PDE4D: variants seen among roughly 807,000 people sequenced by gnomAD.
PDE4D encodes the protein 3',5'-cyclic-AMP phosphodiesterase 4D.
PDE4D carries 24 observed loss-of-function variants against 87.4 expected under a neutral mutation model. That is an observed-to-expected ratio of 0.27 (90% CI 0.20 to 0.39). The LOEUF is 0.39. Ranked by LOEUF, PDE4D falls within the 10% of genes least tolerant of loss-of-function variation. The pLI is 1.00. For missense variants in PDE4D, 714 were observed against 1,041.0 expected, an observed-to-expected ratio of 0.69 and a Z score of 4.32; for synonymous variants, 384 against 383.2, an observed-to-expected ratio of 1.00 and a Z score of -0.02.
chr5:59,856,145 G>T (rs1036515243), intron 1 of PDE4D, among the ~76,000 whole-genome samples: 4 of 152,126 alleles, frequency 2.6e-5, no homozygotes, highest in Non-Finnish European at 5.9e-5. Flanking sequence ...AAATCTTAGA[G>T]ATCATTGAAT....
chr5:59,219,941 TA>T (rs1752106934), intron 1 of PDE4D, among the ~76,000 whole-genome samples: 1 of 152,120 alleles, frequency 6.6e-6, no homozygotes, highest in African/African-American at 2.4e-5. Flanking sequence ...ATAAGGCGTG[TA>T]TATAAAACAG....
chr5:60,021,515 A>T (rs1766066594), intron 2 of PDE4D, among the ~76,000 whole-genome samples: 1 of 152,250 alleles, frequency 6.6e-6, no homozygotes, highest in Non-Finnish European at 1.5e-5. Context: ...AAAGCTGCTC[A>T]GAATAAGAAT....
At chr5:60,503,243 A>G (rs990004962) in intron 1 of PDE4D, among the ~76,000 whole-genome samples, 26 of 152,258 alleles carry the variant, frequency 1.7e-4, no homozygotes, top group African/African-American at 6.0e-4. Flanking sequence ...GACAAAACAT[A>G]AACAGGGCAG....
intron 1 of PDE4D, among the ~76,000 whole-genome samples, chr5:60,501,996 C>T (rs1231518352): frequency 5.3e-5 from 8 of 152,074 alleles, no homozygotes. Context: ...TGCAGAAGCT[C>T]TTTAGTTTAA....
At chr5:60,031,203 C>T (rs1025251945) in intron 2 of PDE4D, among the ~76,000 whole-genome samples, 9 of 152,202 alleles carry the variant, frequency 5.9e-5, no homozygotes, top group South Asian at 2.1e-4. Flanking sequence ...GAGGATTAAC[C>T]ACCTATGATT....
chr5:59,206,638 A>T (rs186484317), intron 2 of PDE4D, among the ~76,000 whole-genome samples: 67 of 152,318 alleles, frequency 4.4e-4, no homozygotes, highest in African/African-American at 1.5e-3. Flanking sequence ...AATAAAGACA[A>T]GAATGCATGC....
chr5:60,149,735 C>T (rs1172653162), intron 2 of PDE4D, among the ~76,000 whole-genome samples: 1 of 151,086 alleles, frequency 6.6e-6, no homozygotes, highest in Non-Finnish European at 1.5e-5. Flanking sequence ...GGACTATGTT[C>T]CCTTCCTATG....
At chr5:59,932,537 A>T (rs1042373584) in intron 3 of PDE4D, among the ~76,000 whole-genome samples, 2 of 152,232 alleles carry the variant, frequency 1.3e-5, no homozygotes, top group Non-Finnish European at 2.9e-5. Flanking sequence ...GGGGTTAAGT[A>T]ACCTGCCTAA....
intron 3 of PDE4D, among the ~76,000 whole-genome samples, chr5:59,930,913 G>T (rs1195735409): frequency 1.3e-5 from 2 of 152,112 alleles, no homozygotes; most frequent in African/African-American, 4.8e-5. Context: ...GTATATTAAA[G>T]TACTGGTAAT....
At chr5:59,558,778 C>T (rs964797638) in intron 1 of PDE4D, 1 of 152,168 alleles carries the variant, frequency 6.6e-6, no homozygotes, top group African/African-American at 2.4e-5. Flanking sequence ...CTGAAGCAGT[C>T]ATGCTAGGGT....
chr5:59,434,957 A>C (rs1024987446), intron 1 of PDE4D, among the ~76,000 whole-genome samples: 1 of 152,170 alleles, frequency 6.6e-6, no homozygotes. Flanking sequence ...CCCTATTATT[A>C]TACTCATTTT....
At chr5:60,041,788 C>T (rs1326645182) in intron 2 of PDE4D, among the ~76,000 whole-genome samples, 1 of 152,152 alleles carries the variant, frequency 6.6e-6, no homozygotes, top group African/African-American at 2.4e-5. Context: ...TACACATTTC[C>T]CACAGTCTTT....
At chr5:59,385,214 C>T (rs1239943610) in intron 1 of PDE4D, among the ~76,000 whole-genome samples, 1 of 152,084 alleles carries the variant, frequency 6.6e-6, no homozygotes, top group African/African-American at 2.4e-5. Flanking sequence ...TGTTATTTCC[C>T]GTGTTGATTA....
chr5:59,436,664 A>G (rs1796834015), intron 1 of PDE4D, among the ~76,000 whole-genome samples: 1 of 152,226 alleles, frequency 6.6e-6, no homozygotes, highest in Admixed American at 6.5e-5. Flanking sequence ...GATCAAATCA[A>G]TCAACTGTTT....
intron 1 of PDE4D, among the ~76,000 whole-genome samples, chr5:59,671,359 C>A (rs1747169966): frequency 6.6e-6 from 1 of 152,106 alleles, no homozygotes; most frequent in Non-Finnish European, 1.5e-5. Context: ...GTTTGGCTAG[C>A]TTGATTCCTT....
intron 2 of PDE4D, among the ~76,000 whole-genome samples, chr5:59,207,769 AT>A (rs1749127020): frequency 1.3e-5 from 2 of 152,194 alleles, no homozygotes; most frequent in South Asian, 4.1e-4. Context: ...GCATAATTAT[AT>A]AATCATTATT....
rs563377163 is a variant in PDE4D at position 60,482,953 on chromosome 5, A to G, written c.-90+4989T>C. Among the ~76,000 whole-genome samples the G allele has an allele frequency of 1.1e-4, 16 of 152,302 alleles. No homozygotes were observed. The South Asian group carries it at 3.1e-3, about 30-fold the overall frequency. On this transcript the variant is annotated intron_variant, in intron 1 of 16. Transcript: ENST00000502484. ...TTTTAGCAATTTTAAGTAGCAATAT[A>G]TATTGTCAGTACATCCTAAACTGAA...
At chr5:59,105,291 TTCAG>T (rs1464737160) in intron 5 of PDE4D, among the ~76,000 whole-genome samples, 1 of 152,212 alleles carries the variant, frequency 6.6e-6, no homozygotes, top group Non-Finnish European at 1.5e-5. Context: ...TCCAATGTAA[TTCAG>T]TATTATCATT....
intron 5 of PDE4D, among the ~76,000 whole-genome samples, chr5:59,121,656 G>T (rs1774527066): frequency 6.6e-6 from 1 of 152,108 alleles, no homozygotes; most frequent in African/African-American, 2.4e-5. Flanking sequence ...AAACCAGCAT[G>T]GAGATTTCTC....
Sources: allele counts gnomAD v4.1 joint callset (sites outside exome capture counted in the v4.1 genomes callset), GRCh38; gene constraint gnomAD v4.1.1; transcripts MANE v1.5; gene names NCBI Gene and HGNC (gene_info 2026-07-23, HGNC 2026-07-21).